Variants in LRRFIP1 observed in about 807,000 individuals in gnomAD.
LRRFIP1 encodes the protein LRR binding FLII interacting protein 1.
A neutral mutation model predicts 104.4 loss-of-function variants in LRRFIP1; 62 were observed. The ratio of observed to expected loss-of-function variants is 0.59; its 90% CI spans 0.48 to 0.73. The LOEUF is 0.73. LRRFIP1 is among the 30% of genes least tolerant of loss of function. LRRFIP1 has a pLI of 0.00. For synonymous variants in LRRFIP1, 300 were observed against 299.0 expected, an observed-to-expected ratio of 1.00 and a Z score of -0.03; for missense variants, 796 against 824.5, an observed-to-expected ratio of 0.97 and a Z score of 0.42.
intron 1 of LRRFIP1, among the ~76,000 whole-genome samples, chr2:237,645,667 G>A (rs1353996851): frequency 3.3e-5 from 5 of 151,996 alleles, no homozygotes; most frequent in Admixed American, 3.3e-4. Flanking sequence ...GTTTTATGAT[G>A]GGTGGAAAGA....
At chr2:237,749,408 A>G (rs908307131) in intron 13 of LRRFIP1, 84 bp downstream of exon 13, 3 of 1,481,902 alleles carry the variant, frequency 2.0e-6, no homozygotes, top group African/African-American at 2.8e-5. Context: ...AAGTTAATTC[A>G]TAAAGTTCTG....
chr2:237,746,063 T>A (rs986218807), intron 11 of LRRFIP1, among the ~76,000 whole-genome samples: 2 of 83,206 alleles, frequency 2.4e-5, no homozygotes, highest in African/African-American at 9.4e-5. Flanking sequence ...ATTTTATTTA[T>A]TTTTTTTTTT....
chr2:237,684,750 T>C (rs2092196840), intron 1 of LRRFIP1, among the ~76,000 whole-genome samples: 1 of 152,152 alleles, frequency 6.6e-6, no homozygotes, highest in Admixed American at 6.5e-5. Flanking sequence ...GTCGTGTTTT[T>C]AGAAGGTAAT....
chr2:237,684,291 G>T (rs958149253), intron 1 of LRRFIP1: 12 of 151,614 alleles, frequency 7.9e-5, no homozygotes, highest in African/African-American at 2.9e-4. Context: ...GGCCAACATG[G>T]TGAAACCCCA....
intron 1 of LRRFIP1, among the ~76,000 whole-genome samples, chr2:237,698,412 C>G (rs548506695): frequency 1.3e-5 from 2 of 152,272 alleles, no homozygotes; most frequent in African/African-American, 2.4e-5. Context: ...TCTTGACAGT[C>G]TGCACCTGCA....
At chr2:237,730,734 C>T (rs747952305) in intron 8 of LRRFIP1, among the ~76,000 whole-genome samples, 3 of 152,142 alleles carry the variant, frequency 2.0e-5, no homozygotes, top group Non-Finnish European at 2.9e-5. Flanking sequence ...CTGGCTAACA[C>T]GATGAAACCC....
At chr2:237,686,327 G>A (rs1412463326) in intron 1 of LRRFIP1, among the ~76,000 whole-genome samples, 1 of 152,150 alleles carries the variant, frequency 6.6e-6, no homozygotes, top group East Asian at 1.9e-4. Flanking sequence ...TAAGTGTGAT[G>A]AATTGCTGGG....
intron 1 of LRRFIP1, among the ~76,000 whole-genome samples, chr2:237,671,458 T>C (rs1350761177): frequency 6.6e-6 from 1 of 152,212 alleles, no homozygotes; most frequent in Non-Finnish European, 1.5e-5. Flanking sequence ...TACTTTAAAG[T>C]TGGAGACGTT....
At chr2:237,643,488 C>CT (rs1291671637) in intron 1 of LRRFIP1, among the ~76,000 whole-genome samples, 2 of 152,214 alleles carry the variant, frequency 1.3e-5, no homozygotes, top group Non-Finnish European at 2.9e-5. Context: ...CAGAGGGTGG[C>CT]TTTTTCCTGC....
intron 1 of LRRFIP1, among the ~76,000 whole-genome samples, chr2:237,634,703 G>T (rs2149269149): frequency 6.6e-6 from 1 of 152,326 alleles, no homozygotes; most frequent in Non-Finnish European, 1.5e-5. Flanking sequence ...GCCAAGCAGT[G>T]TACTATAATC....
chr2:237,700,472 A>T (rs2093454023), intron 1 of LRRFIP1, among the ~76,000 whole-genome samples: 1 of 152,234 alleles, frequency 6.6e-6, no homozygotes, highest in African/African-American at 2.4e-5. Flanking sequence ...GTGATGTATC[A>T]TGGGGCCTAG....
rs183048754 is a variant in LRRFIP1, at chr2:237,729,721, C to A, written c.444+1786C>A. 2.8e-5 allele frequency: 24 copies of A among 852,846 alleles called. No homozygotes were observed. The East Asian group carries it at 1.5e-3, about 52-fold the overall frequency. The allele number at this position is 852,846 out of a possible 1,614,324, so 52.8% of individuals were successfully genotyped here. On this transcript the variant is annotated intron_variant, in intron 8 of 23. Transcript: ENST00000308482. ...TCGCCTTTTGAATGGGATGGGGGTG[C>A]TTTTGGAGTCGTAAGGAAGTGCTTG...
intron 13 of LRRFIP1, among the ~76,000 whole-genome samples, chr2:237,749,911 C>T (rs2058371094): frequency 6.6e-6 from 1 of 152,136 alleles, no homozygotes; most frequent in African/African-American, 2.4e-5. Context: ...AAGAGAAACA[C>T]GGTGCTATTT....
At chr2:237,641,994 G>A (rs1214002939) in intron 1 of LRRFIP1, among the ~76,000 whole-genome samples, 1 of 152,122 alleles carries the variant, frequency 6.6e-6, no homozygotes, top group African/African-American at 2.4e-5. Context: ...GAGACACTTC[G>A]CACACCCATG....
chr2:237,779,598 C>A lies in LRRFIP1; in HGVS notation c.*66C>A. The A allele has an allele frequency of 2.8e-6, 4 of 1,425,024 alleles. No homozygotes were observed. The highest frequency in any genetic ancestry group is 2.3e-5 in the East Asian group (1 of 43,086). The allele number at this position is 1,425,024 out of a possible 1,614,324, so 88.3% of individuals were successfully genotyped here. ...CATTGTTTCATAGGCTTTTCTCTGT[C>A]CTATCTGGGAGCGCTGCTTCTTCCC... On this transcript the variant is annotated 3_prime_UTR_variant, in exon 24 of 24. Coordinates refer to ENST00000308482, the MANE Select transcript of LRRFIP1 (RefSeq NM_001137550.2).
chr2:237,695,144 A>C (rs915001369), intron 1 of LRRFIP1, among the ~76,000 whole-genome samples: 2 of 152,214 alleles, frequency 1.3e-5, no homozygotes, highest in African/African-American at 4.8e-5. Flanking sequence ...CGGGCAGGTA[A>C]GACATAAATA....
intron 7 of LRRFIP1, among the ~76,000 whole-genome samples, chr2:237,725,607 T>C (rs1450634313): frequency 6.6e-6 from 1 of 152,172 alleles, no homozygotes. Context: ...CAAGATCCTA[T>C]AGATTTGGGA....
chr2:237,667,667 C>T (rs1008226761), intron 1 of LRRFIP1, among the ~76,000 whole-genome samples: 4 of 152,192 alleles, frequency 2.6e-5, no homozygotes, highest in Admixed American at 6.5e-5. Flanking sequence ...ATTTACACTC[C>T]CACCAACAGT....
intron 1 of LRRFIP1, among the ~76,000 whole-genome samples, chr2:237,697,856 T>C (rs569469732): frequency 5.1e-4 from 77 of 152,116 alleles, no homozygotes; most frequent in African/African-American, 1.5e-3. Context: ...GTGGTAGTCA[T>C]GGTTCTTGTA....
Sources: gnomAD v4.1 joint callset for allele counts (sites outside exome capture counted in the v4.1 genomes callset) on GRCh38, gnomAD v4.1.1 for gene constraint, MANE v1.5 for transcripts, NCBI Gene and HGNC (gene_info 2026-07-23, HGNC 2026-07-21) for gene names.